Variants in XRCC2 observed in about 807,000 individuals in gnomAD.
The protein encoded by XRCC2 is X-ray repair cross complementing 2, also known as DNA repair protein XRCC2.
In XRCC2, 24 loss-of-function variants were observed where a neutral mutation model predicts 27.3. The observed-to-expected ratio is 0.88, with a 90% CI of 0.64 to 1.24. XRCC2 has a LOEUF of 1.24. Among genes scored for constraint, XRCC2 ranks in the 50% most tolerant of loss-of-function variants. The probability of loss-of-function intolerance (pLI) is 0.00; values close to 1 mark genes in which losing one functional copy is unlikely to be tolerated. For synonymous variants in XRCC2, 106 were observed against 115.4 expected, an observed-to-expected ratio of 0.92 and a Z score of 0.52; for missense variants, 321 against 325.8, an observed-to-expected ratio of 0.99 and a Z score of 0.11.
In XRCC2 at chr7:152,676,134, C is replaced by G; in HGVS notation, c.-55G>C. The stretch of plus-strand genomic sequence containing the variant: ...CAACTTTCCCGCCACCAACGCCATT[C>G]ACCAACTGCGCAGACTCTACGGCCA... On this transcript the variant is annotated 5_prime_UTR_variant, in exon 1 of 3. Transcript: ENST00000359321. 6.2e-7 allele frequency: 1 copy of G among 1,612,088 alleles called. No homozygotes were observed. The highest frequency in any genetic ancestry group is 1.1e-5 in the South Asian group (1 of 91,034).
At chr7:152,666,510 T>TG (rs2098035776) in intron 1 of XRCC2, among the ~76,000 whole-genome samples, 1 of 148,138 alleles carries the variant, frequency 6.8e-6, no homozygotes, top group Non-Finnish European at 1.5e-5. Flanking sequence ...CCATGCCCAG[T>TG]GGAATCTCCC....
In XRCC2 at chr7:152,645,474, G is replaced by A. The variant is rs188080727; in HGVS notation, c.*3168C>T. ...AACTTAAATGTTGATGTTTTAGCTC[G>A]CAAATTTGCTAAACTCTTAATTCTA... is the stretch of plus-strand genomic sequence containing the variant. On this transcript the variant is annotated 3_prime_UTR_variant, in exon 3 of 3. Transcript: ENST00000359321. 7.9e-5 allele frequency: 12 copies of A among 152,066 alleles called. No individual in the cohort carries two copies. In the East Asian group the frequency reaches 1.7e-3, roughly 22 times the overall value. The allele number at this position is 152,066 out of a possible 1,614,324, so 9.4% of individuals were successfully genotyped here.
At position 152,648,413 on chromosome 7, in the gene XRCC2, G is replaced by A. The variant is rs796883974; in HGVS notation, c.*229C>T. 7.0e-4 allele frequency: 182 copies of A among 260,588 alleles called. No homozygotes were observed. The highest frequency in any genetic ancestry group is 1.1e-3 in the Middle Eastern group (1 of 908). The allele number at this position is 260,588 out of a possible 1,614,324, so 16.1% of individuals were successfully genotyped here. ...AGACAGAGTAAGACTGTTTCAAAAA[G>A]AAAAAAAAAAAAAAAGAAAACTTTT... is the stretch of plus-strand genomic sequence containing the variant. On this transcript the variant is annotated 3_prime_UTR_variant, in exon 3 of 3. Transcript: ENST00000359321.
rs1590129246 is a variant in XRCC2, at chr7:152,648,754, T to C, written c.731A>G (p.Gln244Arg). ...LVKHRMFFSK[Q>R]DDSQSSNQFS... ...TTGGTTGCTGCTTTGAGAATCATCT[T>C]GTTTGGAGAAAAACATCCTGTGCTT... The change falls in exon 3 of 3, where the codon CAA becomes CGA. Residue 244 changes from glutamine to arginine, a missense_variant. Transcript: ENST00000359321. 13 of 1,614,230 alleles carry C rather than the reference T, an allele frequency of 8.1e-6. No individual in the cohort carries two copies. Among genetic ancestry groups the C allele is most frequent in the Non-Finnish European group, 1.1e-5 (13 of 1,180,032 alleles).
chr7:152,670,520 G>C (rs2117008991), intron 1 of XRCC2, among the ~76,000 whole-genome samples: 1 of 152,188 alleles, frequency 6.6e-6, no homozygotes, highest in African/African-American at 2.4e-5. Context: ...ACATCCTTAT[G>C]ACTACCATCA....
rs1048485980 is a variant in XRCC2 at position 152,646,483 on chromosome 7, A to G, written c.*2159T>C. 2 of 152,020 alleles carry G rather than the reference A, an allele frequency of 1.3e-5. No homozygotes were observed. The highest frequency in any genetic ancestry group is 6.6e-5 in the Admixed American group (1 of 15,234). 9.4% of individuals were successfully genotyped at this position (152,020 alleles called of 1,614,324 possible). A position where few individuals can be genotyped will look rare whatever the true frequency, so the allele number is the denominator to read the frequency against. ...TGGCAAAGGTATGATCTTGTTCCTT[A>G]TATTTTATTTTTTATTTTTTAGAGA... On this transcript the variant is annotated 3_prime_UTR_variant, in exon 3 of 3. Transcript: ENST00000359321.
intron 1 of XRCC2, among the ~76,000 whole-genome samples, chr7:152,662,027 C>T (rs1219394819): frequency 3.9e-5 from 6 of 151,904 alleles, no homozygotes; most frequent in South Asian, 2.1e-4. Context: ...TTCAGTGGTG[C>T]GATCTCTGCT....
chr7:152,647,380 G>T lies in XRCC2; in HGVS notation c.*1262C>A, dbSNP rs1016760189. 2.6e-5 allele frequency: 4 copies of T among 151,954 alleles called. No individual in the cohort carries two copies. Among genetic ancestry groups the T allele is most frequent in the Non-Finnish European group, 5.9e-5 (4 of 67,992 alleles). 9.4% of individuals were successfully genotyped at this position (151,954 alleles called of 1,614,324 possible). A position where few individuals can be genotyped will look rare whatever the true frequency, so the allele number is the denominator to read the frequency against. On this transcript the variant is annotated 3_prime_UTR_variant, in exon 3 of 3. Coordinates refer to ENST00000359321, the MANE Select transcript of XRCC2 (RefSeq NM_005431.2). ...GTTTACTCTCTTGATAGTTTCTTTT[G>T]CTGTGCAGCTCTTTAGTTTAATTAG...
chr7:152,645,231 A>T lies in XRCC2; in HGVS notation c.*3411T>A, dbSNP rs2098025262. On this transcript the variant is annotated 3_prime_UTR_variant, in exon 3 of 3. Transcript: ENST00000359321. ...TTCTAGAAACTTTATATTTTTAGTTATGATTAAATATTATATATATTTAAA... is the reference window on the plus strand; with the variant it reads ...TTCTAGAAACTTTATATTTTTAGTTTTGATTAAATATTATATATATTTAAA... The T allele has an allele frequency of 6.6e-6, 1 of 151,572 alleles. No homozygotes were observed. Among genetic ancestry groups the T allele is most frequent in the African/African-American group, 2.4e-5 (1 of 41,368 alleles). The allele number at this position is 151,572 out of a possible 1,614,324, so 9.4% of individuals were successfully genotyped here.
chr7:152,659,529 G>T (rs3218480), intron 2 of XRCC2, among the ~76,000 whole-genome samples: 8,479 of 152,222 alleles, frequency 0.056, 343 homozygotes, highest in South Asian at 0.11. Flanking sequence ...TATACAATTT[G>T]CCAATAAGCC....
intron 1 of XRCC2, among the ~76,000 whole-genome samples, chr7:152,674,042 A>T (rs560767410): frequency 2.6e-5 from 4 of 152,020 alleles, no homozygotes; most frequent in African/African-American, 4.8e-5. Flanking sequence ...TTCCCAAGAC[A>T]CTTAAAGGGA....
rs779225995 is a variant in XRCC2, at chr7:152,648,866, C to T, written c.619G>A (p.Glu207Lys). 1.2e-6 allele frequency: 2 copies of T among 1,613,968 alleles called. No homozygotes were observed. The highest frequency in any genetic ancestry group is 1.7e-6 in the Non-Finnish European group (2 of 1,179,874). The change falls in exon 3 of 3, where the codon GAA (glutamate) becomes AAA (lysine). Residue 207 changes from glutamate (E) to lysine (K), a missense_variant. Coordinates refer to ENST00000359321, the MANE Select transcript of XRCC2 (RefSeq NM_005431.2). ...CGTCGAGAGGCATGAGAAGGTTCTT[C>T]TGATGAGCTCGAGGCTTTCTGCATT... The part of the protein sequence containing the change: ...TIMQKASSSS[E>K]EPSHASRRLC...
intron 1 of XRCC2, among the ~76,000 whole-genome samples, chr7:152,661,891 G>A (rs544000904): frequency 8.5e-5 from 13 of 152,334 alleles, no homozygotes; most frequent in Non-Finnish European, 1.8e-4. Context: ...TGTCAAGTGA[G>A]GATAACAAAC....
At chr7:152,660,614 T>A in intron 2 of XRCC2, 87 bp downstream of exon 2, 1 of 1,082,638 alleles carries the variant, frequency 9.2e-7, no homozygotes, top group Non-Finnish European at 1.3e-6. Flanking sequence ...TAAACTCTTG[T>A]GAGGAGTATG....
At chr7:152,667,179 G>A (rs2098036131) in intron 1 of XRCC2, among the ~76,000 whole-genome samples, 1 of 151,612 alleles carries the variant, frequency 6.6e-6, no homozygotes. Flanking sequence ...GTGCCAAGGT[G>A]GGCAGATCAC....
chr7:152,670,038 G>A (rs558621234), intron 1 of XRCC2, among the ~76,000 whole-genome samples: 2 of 152,180 alleles, frequency 1.3e-5, no homozygotes, highest in South Asian at 4.2e-4. Context: ...TCTAATCTGC[G>A]TGAGAGTGAC....
intron 2 of XRCC2, among the ~76,000 whole-genome samples, 168 bp downstream of exon 2, chr7:152,660,533 C>T (rs761120166): frequency 1.3e-5 from 2 of 152,174 alleles, no homozygotes; most frequent in Non-Finnish European, 2.9e-5. Flanking sequence ...TGTCTGACAC[C>T]GATGAGGAAA....
At chr7:152,669,764 G>A (rs914034828) in intron 1 of XRCC2, among the ~76,000 whole-genome samples, 2 of 150,928 alleles carry the variant, frequency 1.3e-5, no homozygotes, top group Middle Eastern at 3.4e-3. Context: ...AAGTGCTAGG[G>A]ATATAAAGAT....
At chr7:152,669,193 T>C (rs2098037189) in intron 1 of XRCC2, among the ~76,000 whole-genome samples, 1 of 152,030 alleles carries the variant, frequency 6.6e-6, no homozygotes, top group African/African-American at 2.4e-5. Context: ...CTGGGCAACA[T>C]AGTGAGATCC....
Sources: allele counts gnomAD v4.1 joint callset (sites outside exome capture counted in the v4.1 genomes callset), GRCh38; gene constraint gnomAD v4.1.1; transcripts MANE v1.5; gene names NCBI Gene and HGNC (gene_info 2026-07-23, HGNC 2026-07-21).